The following PCDH12 variants were observed in gnomAD, a reference collection of about 807,000 sequenced individuals.
PCDH12 encodes the protein protocadherin-12.
In PCDH12, 45 loss-of-function variants were observed where a neutral mutation model predicts 70.9. The ratio of observed to expected loss-of-function variants is 0.63; its 90% CI spans 0.50 to 0.81. The LOEUF is 0.81. Ranked by LOEUF, PCDH12 falls within the 40% of genes least tolerant of loss-of-function variation. The probability of loss-of-function intolerance (pLI) is 0.00; values close to 1 mark genes in which losing one functional copy is unlikely to be tolerated. For missense variants in PCDH12, 1,370 were observed against 1,491.7 expected, an observed-to-expected ratio of 0.92 and a Z score of 1.34; for synonymous variants, 567 against 626.0, an observed-to-expected ratio of 0.91 and a Z score of 1.41.
rs2126928003 is a variant in PCDH12 at position 141,955,758 on chromosome 5, A to G, written c.2094T>C (p.Ser698=). ...RALLRVMFVT[S]VDHLRDSARK... is the part of the protein sequence containing the mutation. ...GGGCTGAGTCCCTCAGGTGGTCCAC[A>G]CTGGTGACAAACATGACCCTCAACA... The change falls in exon 1 of 4, where the codon AGT becomes AGC. Residue 698 remains serine, a synonymous_variant. Transcript: ENST00000231484. This position sits in a 1 kb window ranked among gnomAD's most constrained non-coding sequence, Gnocchi z 5.5. 6.2e-7 allele frequency: 1 copy of G among 1,613,926 alleles called. No homozygotes were observed. The highest frequency in any genetic ancestry group is 8.5e-7 in the Non-Finnish European group (1 of 1,179,934).
chr5:141,955,851 A>G lies in PCDH12; in HGVS notation c.2001T>C (p.Ile667=), dbSNP rs758698799. 2 of 1,614,050 alleles carry G rather than the reference A, an allele frequency of 1.2e-6. No individual in the cohort carries two copies. The highest frequency in any genetic ancestry group is 8.5e-7 in the Non-Finnish European group (1 of 1,179,984). The change falls in exon 1 of 4, where the codon ATT becomes ATC. Residue 667 remains isoleucine (I), a synonymous_variant. Coordinates refer to ENST00000231484, the MANE Select transcript of PCDH12 (RefSeq NM_016580.4). The surrounding 1 kb of genome is among the most constrained non-coding windows in gnomAD (Gnocchi z 5.5). ...FVNVTNASSL[I]GSEWELEIVV... is the part of the protein sequence containing the mutation. The stretch of plus-strand genomic sequence containing the variant: ...CTATCTCCAGCTCCCACTCACTCCC[A>G]ATGAGGCTGCTGGCATTGGTGACAT...
Position 141,945,074 on chromosome 5 carries a change from A to C in PCDH12, c.*307T>G. ...AGAAGGCCACCCTTTCCTGCCTGTG[A>C]TACTCCGTGGCATCTGTTCTGCCAG... On this transcript the variant is annotated 3_prime_UTR_variant, in exon 4 of 4. Coordinates refer to ENST00000231484, the MANE Select transcript of PCDH12 (RefSeq NM_016580.4). 1 of 365,376 alleles carries C rather than the reference A, an allele frequency of 2.7e-6. No homozygotes were observed. Among genetic ancestry groups the C allele is most frequent in the South Asian group, 4.9e-5 (1 of 20,608 alleles). 22.6% of individuals were successfully genotyped at this position (365,376 alleles called of 1,614,324 possible).
intron 1 of PCDH12, 69 bp downstream of exon 1, chr5:141,954,903 G>A (rs1174268714): frequency 1.3e-6 from 2 of 1,533,504 alleles, no homozygotes; most frequent in African/African-American, 2.8e-5. Context: ...TGCAGGTTAT[G>A]GGGGTGTCTG....
chr5:141,953,617 C>T (rs1319445079), intron 1 of PCDH12, among the ~76,000 whole-genome samples: 1 of 152,220 alleles, frequency 6.6e-6, no homozygotes, highest in East Asian at 1.9e-4. Flanking sequence ...GTCACCTCAG[C>T]GGGGTCACCC....
chr5:141,956,501 T>C lies in PCDH12; in HGVS notation c.1351A>G (p.Ser451Gly), dbSNP rs779400642. The change falls in exon 1 of 4, where the codon AGT becomes GGT. Residue 451 changes from serine (S) to glycine (G), a missense_variant. Transcript: ENST00000231484. ...SAKKQLSIQISDINDNAPVFE... is the reference protein window; with the variant it reads ...SAKKQLSIQIGDINDNAPVFE... ...ACAGGTGCATTGTCGTTGATGTCAC[T>C]GATCTGAATGCTGAGCTGTTTCTTG... The C allele has an allele frequency of 4.2e-5, 67 of 1,614,134 alleles. No individual in the cohort carries two copies. The highest frequency in any genetic ancestry group is 1.8e-4 in the South Asian group (16 of 91,090).
rs561663294 is a variant in PCDH12, at chr5:141,945,250, G to A, written c.*131C>T. The stretch of plus-strand genomic sequence containing the variant: ...GTCCTGGGGCTCTTGCCTCCTCTGT[G>A]GGGGTAGCATCAGTCACCCTAAAGT... On this transcript the variant is annotated 3_prime_UTR_variant, in exon 4 of 4. Coordinates refer to ENST00000231484, the MANE Select transcript of PCDH12 (RefSeq NM_016580.4). 41 of 1,102,422 alleles carry A rather than the reference G, an allele frequency of 3.7e-5. 1 individual carries two copies. The South Asian group carries it at 6.2e-4, about 17-fold the overall frequency. 68.3% of individuals were successfully genotyped at this position (1,102,422 alleles called of 1,614,324 possible).
At chr5:141,950,615 A>G (rs1337080759) in intron 2 of PCDH12, among the ~76,000 whole-genome samples, 3 of 152,154 alleles carry the variant, frequency 2.0e-5, no homozygotes, top group African/African-American at 7.2e-5. Flanking sequence ...CAAGACTTCA[A>G]ATCCAGGCCA....
chr5:141,957,115 T>G lies in PCDH12; in HGVS notation c.737A>C (p.Glu246Ala), dbSNP rs1252157249. Residue 246 changes from glutamate to alanine, a missense_variant, in exon 1 of 4, where the codon GAG (glutamate) becomes GCG (alanine). Coordinates refer to ENST00000231484, the MANE Select transcript of PCDH12 (RefSeq NM_016580.4). This position sits in a 1 kb window ranked among gnomAD's most constrained non-coding sequence, Gnocchi z 4.3. The stretch of plus-strand genomic sequence containing the variant: ...TTGGATTTCCAGTGCCAGTGAACTC[T>G]CAGCAAACGCAGGGCTATTGTCATT... Reference protein sequence around the residue: ...DSNDNSPAFAESSLALEIQED... With the variant: ...DSNDNSPAFAASSLALEIQED... 5.0e-6 allele frequency: 8 copies of G among 1,614,128 alleles called. No homozygotes were observed. The highest frequency in any genetic ancestry group is 6.8e-6 in the Non-Finnish European group (8 of 1,180,006).
Position 141,949,493 on chromosome 5 carries a change from C to A in PCDH12, c.3069G>T (p.Glu1023Asp), listed in dbSNP as rs1359512868. 6.2e-7 allele frequency: 1 copy of A among 1,614,158 alleles called. No homozygotes were observed. The highest frequency in any genetic ancestry group is 8.5e-7 in the Non-Finnish European group (1 of 1,180,022). Residue 1023 changes from glutamate to aspartate, a missense_variant, in exon 3 of 4, where the codon GAG becomes GAT. Coordinates refer to ENST00000231484, the MANE Select transcript of PCDH12 (RefSeq NM_016580.4). ...EQEEGPLDPE[E>D]DLSVKQLLEE... ...CTAGCAGTTGCTTCACAGAGAGGTC[C>A]TCTTCAGGATCCAAAGGCCCTTCCT...
chr5:141,946,593 C>T (rs1045758526), intron 3 of PCDH12, among the ~76,000 whole-genome samples: 4 of 152,180 alleles, frequency 2.6e-5, no homozygotes, highest in Admixed American at 2.0e-4. Flanking sequence ...GGCCCCAGAT[C>T]CTCAAATCCT....
rs374040283 is a variant in PCDH12, at chr5:141,947,645, G to A, written c.3130+1787C>T. The stretch of plus-strand genomic sequence containing the variant: ...TTAGGAAGTGGTGAGACAGTAGTAC[G>A]TATCTTGTGGAGTTGTTGTGAGGTT... On this transcript the variant is annotated intron_variant, in intron 3 of 3. Coordinates refer to ENST00000231484, the MANE Select transcript of PCDH12 (RefSeq NM_016580.4). Among the ~76,000 whole-genome samples the A allele has an allele frequency of 7.9e-5, 12 of 152,336 alleles. 2 individuals are homozygous for A. The highest frequency in any genetic ancestry group is 2.1e-4 in the South Asian group (1 of 4,826).
In PCDH12 at chr5:141,943,721, C is replaced by T. The variant is rs1435028973; in HGVS notation, c.*1660G>A. On this transcript the variant is annotated 3_prime_UTR_variant, in exon 4 of 4. Transcript: ENST00000231484. ...ACCCTGCCTGCCTGCTTGATATCCCCCAGTTTCTCTCACTGGCCCACAGAA... is the reference window on the plus strand; with the variant it reads ...ACCCTGCCTGCCTGCTTGATATCCCTCAGTTTCTCTCACTGGCCCACAGAA... 1 of 152,130 alleles carries T rather than the reference C, an allele frequency of 6.6e-6. No homozygotes were observed. The highest frequency in any genetic ancestry group is 2.4e-5 in the African/African-American group (1 of 41,432). 9.4% of individuals were successfully genotyped at this position (152,130 alleles called of 1,614,324 possible). A position where few individuals can be genotyped will look rare whatever the true frequency, so the allele number is the denominator to read the frequency against.
At chr5:141,953,113 G>C (rs922593309) in intron 1 of PCDH12, 2 of 152,316 alleles carry the variant, frequency 1.3e-5, no homozygotes, top group East Asian at 3.9e-4. Context: ...CTCCCTACAT[G>C]CCAAGCCCTA....
chr5:141,950,109 C>T (rs1219807322), intron 2 of PCDH12, among the ~76,000 whole-genome samples: 1 of 152,194 alleles, frequency 6.6e-6, no homozygotes, highest in Non-Finnish European at 1.5e-5. Flanking sequence ...AACATTCCTT[C>T]CTCCCTACTT....
At position 141,955,072 on chromosome 5, in the gene PCDH12, C is replaced by G. The variant is rs1394138096; in HGVS notation, c.2780G>C (p.Gly927Ala). The change falls in exon 1 of 4, where the codon GGG (glycine) becomes GCG (alanine). Residue 927 changes from glycine to alanine, a missense_variant. By Grantham distance (60) the Gly-to-Ala change is moderately conservative. Transcript: ENST00000231484. This position sits in a 1 kb window ranked among gnomAD's most constrained non-coding sequence, Gnocchi z 5.5. ...NGKVSPEKES[G>A]PRQILRSLVR... ...CAGGCTCCGCAGGATCTGACGGGGC[C>G]CTGATTCTTTCTCAGGGGACACTTT... 1.2e-6 allele frequency: 2 copies of G among 1,614,058 alleles called. No homozygotes were observed. Among genetic ancestry groups the G allele is most frequent in the African/African-American group, 1.3e-5 (1 of 74,918 alleles).
Sources: gnomAD v4.1 joint callset for allele counts (sites outside exome capture counted in the v4.1 genomes callset) on GRCh38, gnomAD v4.1.1 for gene constraint, Gnocchi (gnomAD v3.1) non-coding constraint, MANE v1.5 for transcripts, NCBI Gene and HGNC (gene_info 2026-07-23, HGNC 2026-07-21) for gene names.